The following UBP1 variants were observed in gnomAD, a reference collection of about 807,000 sequenced individuals.
UBP1 encodes the protein upstream-binding protein 1.
In UBP1, 22 loss-of-function variants were observed where a neutral mutation model predicts 76.1. The ratio of observed to expected loss-of-function variants is 0.29; its 90% CI spans 0.21 to 0.41. UBP1 has a LOEUF of 0.41. Ranked by LOEUF, UBP1 falls within the 10% of genes least tolerant of loss-of-function variation. The pLI, the probability that UBP1 is intolerant of heterozygous loss-of-function variation, is 1.00. For synonymous variants in UBP1, 224 were observed against 237.1 expected (o/e 0.94, Z 0.51); for missense variants, 436 against 668.1 (o/e 0.65, Z 3.83).
chr3:33,427,900 G>C (rs766439591), intron 1 of UBP1, among the ~76,000 whole-genome samples: 1 of 152,270 alleles, frequency 6.6e-6, no homozygotes, highest in Admixed American at 6.5e-5. Flanking sequence ...AAACTTTTCA[G>C]AAGACTTCAG....
At chr3:33,420,842 C>G (rs539064777) in intron 2 of UBP1, among the ~76,000 whole-genome samples, 5 of 152,190 alleles carry the variant, frequency 3.3e-5, no homozygotes, top group Non-Finnish European at 7.4e-5. Flanking sequence ...AGGCTGTTAT[C>G]GAACTCCCAA....
chr3:33,396,079 T>C, intron 13 of UBP1, 83 bp downstream of exon 13: 1 of 1,295,710 alleles, frequency 7.7e-7, no homozygotes, highest in Non-Finnish European at 1.1e-6. Flanking sequence ...GCAAGAGTTC[T>C]CCAAAGCCTG....
chr3:33,400,287 T>C lies in UBP1; in HGVS notation c.1087-5A>G. 1 of 1,589,256 alleles carries C rather than the reference T, an allele frequency of 6.3e-7. No homozygotes were observed. The highest frequency in any genetic ancestry group is 8.5e-7 in the Non-Finnish European group (1 of 1,171,082). ...CGTAGCTGAAGGCTGAATTTGCTAT[T>C]AACAATGAAAATGAACATAAATAAA... On this transcript the variant is annotated splice_region_variant and splice_polypyrimidine_tract_variant and intron_variant, in intron 10 of 15. Transcript: ENST00000283629.
intron 13 of UBP1, among the ~76,000 whole-genome samples, chr3:33,395,615 C>T (rs550495265): frequency 5.3e-5 from 8 of 151,850 alleles, no homozygotes; most frequent in South Asian, 2.1e-4. Context: ...CGGCACCAGA[C>T]GCGCCACACA....
Position 33,425,750 on chromosome 3 carries a change from C to A in UBP1, c.114-9G>T. 2 of 1,565,834 alleles carry A rather than the reference C, an allele frequency of 1.3e-6. No homozygotes were observed. Among genetic ancestry groups the A allele is most frequent in the Non-Finnish European group, 1.7e-6 (2 of 1,144,366 alleles). On this transcript the variant is annotated splice_polypyrimidine_tract_variant and intron_variant, in intron 1 of 15. Coordinates refer to ENST00000283629, the MANE Select transcript of UBP1 (RefSeq NM_014517.5). ...GCAATGCCAAGACATCACTGAAAAG[C>A]AAAAAATCAACACTGACCTTACTTT...
chr3:33,398,674 G>A (rs1427935502), intron 11 of UBP1, among the ~76,000 whole-genome samples: 1 of 152,200 alleles, frequency 6.6e-6, no homozygotes, highest in African/African-American at 2.4e-5. Flanking sequence ...ATAAGGAAAA[G>A]GCAGAAGGCC....
intron 1 of UBP1, among the ~76,000 whole-genome samples, chr3:33,433,137 T>C (rs138358343): frequency 0.021 from 3,214 of 151,310 alleles, 57 homozygotes; most frequent in Admixed American, 0.061. Flanking sequence ...CTCAGCTCAC[T>C]GCAACCTCCA....
intron 2 of UBP1, among the ~76,000 whole-genome samples, chr3:33,420,823 A>G (rs935768598): frequency 6.6e-6 from 1 of 152,100 alleles, no homozygotes; most frequent in Non-Finnish European, 1.5e-5. Context: ...GGGTTTCACC[A>G]TGTTGGCCAG....
chr3:33,393,610 C>G (rs2154054576), intron 13 of UBP1, among the ~76,000 whole-genome samples, 156 bp from the exon 14 acceptor site: 1 of 152,332 alleles, frequency 6.6e-6, no homozygotes, highest in East Asian at 1.9e-4. Context: ...TTTCCCCCAT[C>G]TTACTACCTT....
chr3:33,434,514 C>T (rs1410023353), intron 1 of UBP1, among the ~76,000 whole-genome samples: 4 of 148,830 alleles, frequency 2.7e-5, no homozygotes, highest in South Asian at 4.3e-4. Flanking sequence ...CTCAAACTCC[C>T]GACCTCAGGT....
At chr3:33,403,531 G>GTCTATCTAA (rs1267953589) in intron 8 of UBP1, 1 of 150,418 alleles carries the variant, frequency 6.6e-6, no homozygotes, top group Non-Finnish European at 1.5e-5. Context: ...TGTCTGGTCT[G>GTCTATCTAA]TCTATCTAAT....
chr3:33,391,385 C>T (rs2043756605), intron 15 of UBP1: 2 of 152,220 alleles, frequency 1.3e-5, no homozygotes, highest in African/African-American at 2.4e-5. Context: ...TTGGAGCCAC[C>T]TAAGCCTGGT....
At chr3:33,434,493 G>C (rs1032655395) in intron 1 of UBP1, among the ~76,000 whole-genome samples, 2 of 149,418 alleles carry the variant, frequency 1.3e-5, no homozygotes, top group Non-Finnish European at 3.0e-5. Flanking sequence ...CACCATGTTG[G>C]CCAGCCTGGT....
chr3:33,407,138 G>A (rs1164053013), intron 8 of UBP1, among the ~76,000 whole-genome samples: 1 of 152,154 alleles, frequency 6.6e-6, no homozygotes, highest in Non-Finnish European at 1.5e-5. Flanking sequence ...TTCAAGATGA[G>A]CTCTAACCAC....
chr3:33,392,729 C>T (rs1388148588), intron 14 of UBP1, 115 bp from the exon 15 acceptor site: 13 of 953,122 alleles, frequency 1.4e-5, no homozygotes, highest in Middle Eastern at 4.6e-4. Context: ...ATGGCCAAAA[C>T]GATAATTCAT....
At chr3:33,411,721 C>T (rs771373474) in intron 4 of UBP1, 34 bp from the exon 5 acceptor site, 5 of 1,541,752 alleles carry the variant, frequency 3.2e-6, no homozygotes, top group Non-Finnish European at 4.5e-6. Context: ...TAAAAACATC[C>T]ACTTTAAATA....
chr3:33,416,306 A>C (rs2044727293), intron 3 of UBP1, among the ~76,000 whole-genome samples: 1 of 152,040 alleles, frequency 6.6e-6, no homozygotes. Flanking sequence ...TCCTAAAAGA[A>C]CAGGTTAGCT....
chr3:33,401,095 C>A, intron 9 of UBP1, 79 bp from the exon 10 acceptor site: 1 of 1,351,440 alleles, frequency 7.4e-7, no homozygotes, highest in Non-Finnish European at 1.0e-6. Flanking sequence ...AAAGCTGTTG[C>A]ATTGTAACTA....
At chr3:33,399,521 C>A (rs1346898415) in intron 11 of UBP1, among the ~76,000 whole-genome samples, 1 of 152,102 alleles carries the variant, frequency 6.6e-6, no homozygotes, top group Non-Finnish European at 1.5e-5. Context: ...ACTTAGGTGG[C>A]CGTTATGCTA....
Sources: gnomAD v4.1 joint callset for allele counts (sites outside exome capture counted in the v4.1 genomes callset) on GRCh38, gnomAD v4.1.1 for gene constraint, MANE v1.5 for transcripts, NCBI Gene and HGNC (gene_info 2026-07-23, HGNC 2026-07-21) for gene names.